The following IARS2 variants were observed in gnomAD, a reference collection of about 807,000 sequenced individuals.
IARS2 encodes isoleucine--tRNA ligase, mitochondrial.
Under a neutral mutation model 126.3 loss-of-function variants are expected in IARS2, and 56 were observed. That is an observed-to-expected ratio of 0.44 (90% CI 0.36 to 0.55). The LOEUF is 0.55. IARS2 is among the 20% of genes least tolerant of loss of function. The probability of loss-of-function intolerance (pLI) is 0.00; values close to 1 mark genes in which losing one functional copy is unlikely to be tolerated. For missense variants in IARS2, 1,127 were observed against 1,245.9 expected, an observed-to-expected ratio of 0.90 and a Z score of 1.44; for synonymous variants, 407 against 441.1, an observed-to-expected ratio of 0.92 and a Z score of 0.97.
chr1:220,147,884 C>T lies in IARS2; in HGVS notation c.*249C>T. The T allele has an allele frequency of 2.1e-6, 1 of 466,902 alleles. No individual in the cohort carries two copies. 28.9% of individuals were successfully genotyped at this position (466,902 alleles called of 1,614,324 possible). ...GTGGATGGATATATGTATATCTCTT[C>T]CTATATATATCCATAGTGGACTTAT... On this transcript the variant is annotated 3_prime_UTR_variant, in exon 23 of 23. Transcript: ENST00000366922.
rs1656434368 is a variant in IARS2 at position 220,096,141 on chromosome 1, AAAG to A, written c.308_310del (p.Arg103del). ...TCAGAACTTTATTCATGGCAAAGAG[AAAG>A]AAAAGTAAAGACAGAATTTTGCCTT... On this transcript the variant is annotated inframe_deletion, in exon 2 of 23. Transcript: ENST00000366922. The A allele has an allele frequency of 6.5e-7, 1 of 1,531,206 alleles. No homozygotes were observed. Among genetic ancestry groups the A allele is most frequent in the African/African-American group, 1.4e-5 (1 of 72,958 alleles). 94.9% of individuals were successfully genotyped at this position (1,531,206 alleles called of 1,614,324 possible).
intron 11 of IARS2, among the ~76,000 whole-genome samples, chr1:220,112,685 A>C (rs1656833226): frequency 1.4e-5 from 2 of 146,138 alleles, no homozygotes; most frequent in Admixed American, 1.4e-4. Context: ...CAGCCTCCTG[A>C]GTAACTGGGA....
intron 10 of IARS2, among the ~76,000 whole-genome samples, chr1:220,107,656 G>T (rs993973218): frequency 6.6e-6 from 1 of 152,084 alleles, no homozygotes; most frequent in African/African-American, 2.4e-5. Context: ...TACTTTTCTA[G>T]GGCTACTGTA....
rs1657638134 is a variant in IARS2 at position 220,147,821 on chromosome 1, A to G, written c.*186A>G. ...CCTGTAACTATAGAAAGAATTATGT[A>G]TATATACATGCAGAAATATATATGT... On this transcript the variant is annotated 3_prime_UTR_variant, in exon 23 of 23. Transcript: ENST00000366922. 3.4e-6 allele frequency: 2 copies of G among 593,186 alleles called. No individual in the cohort carries two copies. Among genetic ancestry groups the G allele is most frequent in the East Asian group, 2.7e-5 (1 of 36,380 alleles). 36.7% of individuals were successfully genotyped at this position (593,186 alleles called of 1,614,324 possible).
Position 220,094,142 on chromosome 1 carries a change from C to T in IARS2, c.-75C>T, listed in dbSNP as rs550859635. On this transcript the variant is annotated 5_prime_UTR_variant, in exon 1 of 23. Coordinates refer to ENST00000366922, the MANE Select transcript of IARS2 (RefSeq NM_018060.4). ...CGCGTGCGCCCTCTTACTCGGCTCC[C>T]CTTGGTTTCCTGGGGTCCTGCCCCT... is the stretch of plus-strand genomic sequence containing the variant. 13 of 1,408,856 alleles carry T rather than the reference C, an allele frequency of 9.2e-6. No homozygotes were observed. The highest frequency in any genetic ancestry group is 5.3e-5 in the East Asian group (2 of 37,782). The allele number at this position is 1,408,856 out of a possible 1,614,324, so 87.3% of individuals were successfully genotyped here.
At position 220,147,786 on chromosome 1, in the gene IARS2, AG is replaced by A; in HGVS notation, c.*152del. The A allele has an allele frequency of 1.5e-6, 1 of 678,524 alleles. No homozygotes were observed. The highest frequency in any genetic ancestry group is 2.0e-5 in the South Asian group (1 of 48,958). The allele number at this position is 678,524 out of a possible 1,614,324, so 42.0% of individuals were successfully genotyped here. On this transcript the variant is annotated 3_prime_UTR_variant, in exon 23 of 23. Coordinates refer to ENST00000366922, the MANE Select transcript of IARS2 (RefSeq NM_018060.4). Reference sequence around the variant, plus strand: ...TGGGAGTCAAAATCAGAATTATAGAAGAAGTATTTCCTGTAACTATAGAAAG... The same window carrying A: ...TGGGAGTCAAAATCAGAATTATAGAAAAGTATTTCCTGTAACTATAGAAAG...
At chr1:220,109,170 G>C (rs116064288) in intron 10 of IARS2, among the ~76,000 whole-genome samples, 10,884 of 152,128 alleles carry the variant, frequency 0.072, 517 homozygotes, top group South Asian at 0.15. Flanking sequence ...GGAGGCTGAA[G>C]CGGACATATC....
chr1:220,123,793 T>C (rs1158938234), intron 12 of IARS2, among the ~76,000 whole-genome samples: 1 of 152,196 alleles, frequency 6.6e-6, no homozygotes, highest in South Asian at 2.1e-4. Context: ...GCATATTTAA[T>C]TTATACTCAT....
intron 12 of IARS2, among the ~76,000 whole-genome samples, chr1:220,117,489 T>TTG (rs1656950091): frequency 6.6e-6 from 1 of 152,044 alleles, no homozygotes; most frequent in Non-Finnish European, 1.5e-5. Flanking sequence ...CGTGAGCCAC[T>TTG]GTGCCCGGCT....
rs755477558 is a variant in IARS2 at position 220,145,536 on chromosome 1, A to G, written c.2779A>G (p.Thr927Ala). Residue 927 changes from threonine to alanine, a missense_variant, in exon 22 of 23, where the codon ACC becomes GCC. Thr to Ala is a moderately conservative substitution (Grantham distance 58). Transcript: ENST00000366922. ...EMLQSEETSSTSQLNELMMAS... is the reference protein window; with the variant it reads ...EMLQSEETSSASQLNELMMAS... The stretch of plus-strand genomic sequence containing the variant: ...GCTGCAGTCTGAAGAGACTTCCAGC[A>G]CCTCTCAGTTGAATGAATTAATGAT... 3.1e-6 allele frequency: 5 copies of G among 1,613,214 alleles called. No homozygotes were observed. Among genetic ancestry groups the G allele is most frequent in the Admixed American group, 3.3e-5 (2 of 59,972 alleles).
intron 12 of IARS2, chr1:220,117,783 G>T: frequency 2.2e-6 from 1 of 460,564 alleles, no homozygotes; most frequent in Non-Finnish European, 4.4e-6. Context: ...CATTTACATG[G>T]TAGTGTTACA....
At chr1:220,101,870 G>A (rs558754917) in intron 3 of IARS2, among the ~76,000 whole-genome samples, 34 of 151,748 alleles carry the variant, frequency 2.2e-4, no homozygotes, top group African/African-American at 7.2e-4. Context: ...GCGTGGTGGC[G>A]GGCGCCTGTA....
intron 14 of IARS2, among the ~76,000 whole-genome samples, chr1:220,129,457 C>G (rs1040561498): frequency 2.0e-5 from 3 of 152,036 alleles, no homozygotes; most frequent in African/African-American, 7.2e-5. Flanking sequence ...GAATTTATCC[C>G]GTATATGTAA....
At chr1:220,146,516 T>TGAA (rs1657594506) in intron 22 of IARS2, among the ~76,000 whole-genome samples, 1 of 29,014 alleles carries the variant, frequency 3.4e-5, no homozygotes, top group Non-Finnish European at 5.2e-5. Context: ...AGACTCCGTC[T>TGAA]CAAAAAAAAA....
intron 13 of IARS2, among the ~76,000 whole-genome samples, chr1:220,125,700 G>A (rs1657140076): frequency 6.6e-6 from 1 of 152,258 alleles, no homozygotes; most frequent in Middle Eastern, 3.4e-3. Flanking sequence ...AGCTACTTGG[G>A]AGGTTGAGGG....
At chr1:220,130,903 G>A (rs1395083483) in intron 14 of IARS2, among the ~76,000 whole-genome samples, 2 of 152,068 alleles carry the variant, frequency 1.3e-5, no homozygotes, top group African/African-American at 4.8e-5. Context: ...GCAATAAACT[G>A]GTAGATTTAT....
rs1263766704 is a variant in IARS2, at chr1:220,143,213, AAATT to A, written c.2751+83_2751+86del. The A allele has an allele frequency of 1.6e-5, 15 of 928,030 alleles. No individual in the cohort carries two copies. The African/African-American group carries it at 1.8e-4, about 11-fold the overall frequency. The allele number at this position is 928,030 out of a possible 1,614,324, so 57.5% of individuals were successfully genotyped here. A position where few individuals can be genotyped will look rare whatever the true frequency, so the allele number is the denominator to read the frequency against. On this transcript the variant is annotated intron_variant, in intron 21 of 22. Transcript: ENST00000366922. ...TGAAATTTGCTTTTAAAATGTGTCT[AAATT>A]AATCAAATAACATTGGGTTATGTGT...
At chr1:220,146,838 A>C (rs2102844812) in intron 22 of IARS2, among the ~76,000 whole-genome samples, 1 of 151,828 alleles carries the variant, frequency 6.6e-6, no homozygotes, top group African/African-American at 2.4e-5. Context: ...CACCCGGCCA[A>C]TTTTTGTATT....
At chr1:220,134,349 T>G in intron 14 of IARS2, 53 bp from the exon 15 acceptor site, 1 of 1,257,736 alleles carries the variant, frequency 8.0e-7, no homozygotes, top group Non-Finnish European at 1.1e-6. Context: ...CTTTTTCTAT[T>G]TTAATTAACT....
Sources: allele counts gnomAD v4.1 joint callset (sites outside exome capture counted in the v4.1 genomes callset), GRCh38; gene constraint gnomAD v4.1.1; transcripts MANE v1.5; gene names NCBI Gene and HGNC (gene_info 2026-07-23, HGNC 2026-07-21).